The following SFMBT1 variants were observed in gnomAD, a reference collection of about 807,000 sequenced individuals.
The protein encoded by SFMBT1 is Scm like with four mbt domains 1, also known as scm-like with four MBT domains protein 1.
SFMBT1 carries 32 observed loss-of-function variants against 108.7 expected under a neutral mutation model. That is an observed-to-expected ratio of 0.29 (90% CI 0.22 to 0.40). The LOEUF is 0.40. Ranked by LOEUF, SFMBT1 falls within the 10% of genes least tolerant of loss-of-function variation. The pLI, the probability that SFMBT1 is intolerant of heterozygous loss-of-function variation, is 1.00. For synonymous variants in SFMBT1, 348 were observed against 369.5 expected (o/e 0.94, Z 0.67); for missense variants, 816 against 1,059.6 (o/e 0.77, Z 3.19).
At chr3:53,002,996 C>T (rs1698611851) in intron 1 of SFMBT1, among the ~76,000 whole-genome samples, 1 of 148,740 alleles carries the variant, frequency 6.7e-6, no homozygotes, top group Non-Finnish European at 1.5e-5. Flanking sequence ...GTAGCACATG[C>T]TTGTAATCCC....
intron 15 of SFMBT1, 28 bp downstream of exon 15, chr3:52,913,450 G>C (rs745731240): frequency 6.2e-7 from 1 of 1,600,462 alleles, no homozygotes; most frequent in East Asian, 2.2e-5. Flanking sequence ...AAATTTCCAA[G>C]TTATTTTGCT....
intron 1 of SFMBT1, among the ~76,000 whole-genome samples, chr3:53,023,807 C>A (rs540348152): frequency 6.6e-6 from 1 of 152,346 alleles, no homozygotes; most frequent in East Asian, 1.9e-4. Flanking sequence ...CCTAGAATTA[C>A]ATCCCTCTTG....
intron 1 of SFMBT1, among the ~76,000 whole-genome samples, chr3:53,038,409 A>G (rs1415254682): frequency 6.6e-6 from 1 of 152,248 alleles, no homozygotes; most frequent in Non-Finnish European, 1.5e-5. Flanking sequence ...AGGCTTCATG[A>G]CATTTACTGT....
chr3:52,952,900 A>C (rs569079386), intron 3 of SFMBT1, among the ~76,000 whole-genome samples: 2 of 152,278 alleles, frequency 1.3e-5, no homozygotes, highest in South Asian at 4.1e-4. Flanking sequence ...TTAAGAAGAG[A>C]CACCACAGAA....
At chr3:52,955,043 C>T (rs571897396) in intron 2 of SFMBT1, among the ~76,000 whole-genome samples, 2 of 152,006 alleles carry the variant, frequency 1.3e-5, no homozygotes, top group African/African-American at 4.8e-5. Flanking sequence ...TAGCAGGAGA[C>T]CAGAAATAAT....
At chr3:52,990,072 G>A (rs532851669) in intron 1 of SFMBT1, among the ~76,000 whole-genome samples, 87 of 152,278 alleles carry the variant, frequency 5.7e-4, no homozygotes, top group African/African-American at 2.0e-3. Flanking sequence ...TTTCTTGGGA[G>A]GGGTTGTTCA....
At chr3:52,951,479 T>C (rs1333522399) in intron 3 of SFMBT1, among the ~76,000 whole-genome samples, 3 of 151,620 alleles carry the variant, frequency 2.0e-5, no homozygotes, top group African/African-American at 7.3e-5. Flanking sequence ...TGCAGTGGCA[T>C]GATCTTGGCT....
In SFMBT1 at chr3:52,934,890, T is replaced by C; in HGVS notation, c.376A>G (p.Lys126Glu). The C allele has an allele frequency of 6.2e-7, 1 of 1,612,878 alleles. No individual in the cohort carries two copies. ...AGAAACTCATCCCAGTCAGATACTT[T>C]ATCTCTGATGCCTAGATGAGGGAAT... is the stretch of plus-strand genomic sequence containing the variant. ...TLEAPEGIRDKVSDWDEFLRQ... is the reference protein window; with the variant it reads ...TLEAPEGIRDEVSDWDEFLRQ... Residue 126 changes from lysine (K) to glutamate (E), a missense_variant, in exon 5 of 21, where the codon AAA becomes GAA. Physicochemically the swap from Lys to Glu is moderately conservative, Grantham distance 56 (BLOSUM62 1). Coordinates refer to ENST00000394752, the MANE Select transcript of SFMBT1 (RefSeq NM_016329.4).
intron 1 of SFMBT1, among the ~76,000 whole-genome samples, chr3:53,006,386 T>C (rs1325260972): frequency 6.6e-6 from 1 of 152,094 alleles, no homozygotes; most frequent in Non-Finnish European, 1.5e-5. Flanking sequence ...ATCCCAGCAC[T>C]TTCGGAGGCC....
At chr3:53,000,300 A>T (rs1295761748) in intron 1 of SFMBT1, among the ~76,000 whole-genome samples, 2 of 145,768 alleles carry the variant, frequency 1.4e-5, no homozygotes, top group Non-Finnish European at 3.0e-5. Context: ...CTTTGAAAGC[A>T]TTAAAAAAAC....
intron 4 of SFMBT1, among the ~76,000 whole-genome samples, chr3:52,939,895 T>G (rs1385853002): frequency 6.6e-6 from 1 of 152,120 alleles, no homozygotes; most frequent in East Asian, 1.9e-4. Context: ...TCTTTTCAAA[T>G]CTTCCCTTTT....
At chr3:52,968,676 T>TGGGA (rs1704233728) in intron 2 of SFMBT1, among the ~76,000 whole-genome samples, 1 of 150,266 alleles carries the variant, frequency 6.7e-6, no homozygotes, top group Admixed American at 6.7e-5. Context: ...CCTGGCTCAC[T>TGGGA]GCAAGCTCTG....
At chr3:52,937,884 G>A (rs1027467916) in intron 4 of SFMBT1, among the ~76,000 whole-genome samples, 2 of 151,898 alleles carry the variant, frequency 1.3e-5, no homozygotes, top group Non-Finnish European at 2.9e-5. Context: ...CCTGGCCAAC[G>A]ATTTACTCTT....
At chr3:53,027,073 A>T (rs1699519234) in intron 1 of SFMBT1, among the ~76,000 whole-genome samples, 1 of 152,184 alleles carries the variant, frequency 6.6e-6, no homozygotes, top group African/African-American at 2.4e-5. Flanking sequence ...ATGACCCACC[A>T]TGCCCAACAG....
At chr3:52,929,031 C>T (rs1356497556) in intron 8 of SFMBT1, among the ~76,000 whole-genome samples, 2 of 151,906 alleles carry the variant, frequency 1.3e-5, no homozygotes, top group African/African-American at 4.8e-5. Context: ...CTCCATTTCA[C>T]AGATAAGGAG....
intron 2 of SFMBT1, among the ~76,000 whole-genome samples, chr3:52,965,151 C>G (rs1341513765): frequency 6.6e-6 from 1 of 151,962 alleles, no homozygotes; most frequent in Non-Finnish European, 1.5e-5. Context: ...ATTCCCTTCC[C>G]TCTTCCTTCT....
At position 52,929,374 on chromosome 3, in the gene SFMBT1, G is replaced by C. The variant is rs147032904; in HGVS notation, c.897+955C>G. ...CTCACCTCAGCCTCCCGAGCAGCTG[G>C]GATTACAGGCATGCACCACCATGTC... On this transcript the variant is annotated intron_variant, in intron 8 of 20. Coordinates refer to ENST00000394752, the MANE Select transcript of SFMBT1 (RefSeq NM_016329.4). 1.6e-3 allele frequency among the ~76,000 whole-genome samples: 238 copies of C among 152,204 alleles called. 1 individual carries two copies. The highest frequency in any genetic ancestry group is 5.5e-3 in the African/African-American group (227 of 41,526).
intron 2 of SFMBT1, among the ~76,000 whole-genome samples, chr3:52,965,704 T>C (rs950246205): frequency 3.3e-5 from 5 of 151,868 alleles, no homozygotes; most frequent in African/African-American, 4.8e-5. Context: ...CTACTAGACC[T>C]CCTTTAAAAA....
rs187631589 is a variant in SFMBT1 at position 52,943,715 on chromosome 3, C to T, written c.124-122G>A. On this transcript the variant is annotated intron_variant, in intron 3 of 20. Transcript: ENST00000394752. ...AAATGCAATAACATCTCAAGGAAAG[C>T]CTGAGAAATTCCAATTCTAACTTAC... 3.3e-5 allele frequency: 42 copies of T among 1,286,478 alleles called. No individual in the cohort carries two copies. The East Asian group carries it at 8.8e-4, about 27-fold the overall frequency. The allele number at this position is 1,286,478 out of a possible 1,614,324, so 79.7% of individuals were successfully genotyped here.
Sources: gnomAD v4.1 joint callset for allele counts (sites outside exome capture counted in the v4.1 genomes callset) on GRCh38, gnomAD v4.1.1 for gene constraint, MANE v1.5 for transcripts, NCBI Gene and HGNC (gene_info 2026-07-23, HGNC 2026-07-21) for gene names.